The following ADCY9 variants were observed in gnomAD, a reference collection of about 807,000 sequenced individuals.
The protein encoded by ADCY9 is adenylate cyclase type 9.
ADCY9 carries 50 observed loss-of-function variants against 101.5 expected under a neutral mutation model. The observed-to-expected ratio is 0.49, with a 90% CI of 0.39 to 0.62. The LOEUF is 0.62. ADCY9 is among the 20% of genes least tolerant of loss of function. ADCY9 has a pLI of 0.00. For missense variants in ADCY9, 1,662 were observed against 1,800.4 expected, an observed-to-expected ratio of 0.92 and a Z score of 1.39; for synonymous variants, 905 against 769.3, an observed-to-expected ratio of 1.18 and a Z score of -2.92.
intron 5 of ADCY9, among the ~76,000 whole-genome samples, chr16:3,956,093 G>A (rs920105255): frequency 1.3e-5 from 2 of 151,902 alleles, no homozygotes; most frequent in Non-Finnish European, 2.9e-5. Context: ...TTGTAGAAAC[G>A]AGGTCTCACT....
chr16:4,108,188 G>A lies in ADCY9; in HGVS notation c.1693+5562C>T, dbSNP rs532778628. 2.0e-5 allele frequency among the ~76,000 whole-genome samples: 3 copies of A among 152,030 alleles called. No homozygotes were observed. The East Asian group carries it at 5.8e-4, about 29-fold the overall frequency. On this transcript the variant is annotated intron_variant, in intron 2 of 10. Coordinates refer to ENST00000294016, the MANE Select transcript of ADCY9 (RefSeq NM_001116.4). ...ATATTTTCTAACAGTTTCATTTTCT[G>A]TCTTTGTGACCCTGTATCTATGACA...
Position 4,114,063 on chromosome 16 carries a change from G to A in ADCY9, c.1380C>T (p.Tyr460=). ...TGCCCAGGCCCATCTCGATGCAGCA[G>A]TAGGCATGGTCGGCCCGGGGCTCGG... ...GCPEPRADHA[Y]CCIEMGLGMI... Residue 460 remains tyrosine (Y), a synonymous_variant, in exon 2 of 11, where the codon TAC becomes TAT. Coordinates refer to ENST00000294016, the MANE Select transcript of ADCY9 (RefSeq NM_001116.4). This position sits in a 1 kb window ranked among gnomAD's most constrained non-coding sequence, Gnocchi z 4.3. 1 of 1,613,872 alleles carries A rather than the reference G, an allele frequency of 6.2e-7. No individual in the cohort carries two copies. The highest frequency in any genetic ancestry group is 8.5e-7 in the Non-Finnish European group (1 of 1,180,044).
intron 3 of ADCY9, among the ~76,000 whole-genome samples, chr16:4,006,359 C>T (rs993274493): frequency 6.6e-6 from 1 of 152,176 alleles, no homozygotes; most frequent in African/African-American, 2.4e-5. Context: ...GATCCACGAG[C>T]GGAGTTGACA....
chr16:3,997,023 C>T (rs912278561), intron 3 of ADCY9, among the ~76,000 whole-genome samples: 1 of 152,122 alleles, frequency 6.6e-6, no homozygotes, highest in Non-Finnish European at 1.5e-5. Flanking sequence ...CACCACCACG[C>T]CTGGCTTATT....
intron 2 of ADCY9, among the ~76,000 whole-genome samples, chr16:4,016,312 G>A (rs779621791): frequency 1.9e-4 from 29 of 152,216 alleles, no homozygotes; most frequent in Non-Finnish European, 3.7e-4. Flanking sequence ...ATAATGGGAA[G>A]AGGCTATGAA....
rs1371707087 is a variant in ADCY9, at chr16:3,966,319, G to A, written c.3518C>T (p.Thr1173Met). The part of the protein sequence containing the change: ...LRVGFNHGPL[T>M]AGVIGTTKLL... ...CTTGGTGGTGCCGATGACCCCGGCC[G>A]TGAGGGGCCCATGGTTGAAGCCGAC... The change falls in exon 11 of 11, where the codon ACG (threonine) becomes ATG (methionine). Residue 1173 changes from threonine (T) to methionine (M), a missense_variant. Transcript: ENST00000294016. 5 of 1,614,060 alleles carry A rather than the reference G, an allele frequency of 3.1e-6. No individual in the cohort carries two copies. Among genetic ancestry groups the A allele is most frequent in the Middle Eastern group, 1.6e-4 (1 of 6,062 alleles).
chr16:4,017,103 G>A (rs2056443762), intron 2 of ADCY9, among the ~76,000 whole-genome samples: 2 of 151,706 alleles, frequency 1.3e-5, no homozygotes, highest in East Asian at 1.9e-4. Context: ...AATGAAGGCT[G>A]CAGTGAGCTA....
rs1412154762 is a variant in ADCY9, at chr16:4,104,654, T to C, written c.1693+9096A>G. Among the ~76,000 whole-genome samples, 3 of 152,060 alleles carry C rather than the reference T, an allele frequency of 2.0e-5. No homozygotes were observed. In the East Asian group the frequency reaches 5.8e-4, roughly 29 times the overall value. ...CTACTACTCACTTGTTGAATGTTTCTACAGAATCAAAGAAAAATATCCAGA... is the reference window on the plus strand; with the variant it reads ...CTACTACTCACTTGTTGAATGTTTCCACAGAATCAAAGAAAAATATCCAGA... On this transcript the variant is annotated intron_variant, in intron 2 of 10. Transcript: ENST00000294016.
At chr16:4,100,519 C>T (rs7190128) in intron 2 of ADCY9, among the ~76,000 whole-genome samples, 4 of 151,612 alleles carry the variant, frequency 2.6e-5, no homozygotes, top group East Asian at 3.9e-4. Flanking sequence ...TTAGTAGACA[C>T]GGGGTTTTGC....
chr16:4,003,667 C>T (rs1306943986), intron 3 of ADCY9, among the ~76,000 whole-genome samples: 1 of 150,694 alleles, frequency 6.6e-6, no homozygotes, highest in Non-Finnish European at 1.5e-5. Context: ...TGGGCTCAAG[C>T]GATCTTCCTG....
intron 2 of ADCY9, among the ~76,000 whole-genome samples, chr16:4,039,286 C>A (rs1286333617): frequency 6.6e-6 from 1 of 152,154 alleles, no homozygotes; most frequent in Non-Finnish European, 1.5e-5. Flanking sequence ...TTCTGTGTTA[C>A]ACGCCCTCAT....
rs1439924451 is a variant in ADCY9, at chr16:3,965,972, C to T, written c.3865G>A (p.Asp1289Asn). 2 of 1,614,220 alleles carry T rather than the reference C, an allele frequency of 1.2e-6. No individual in the cohort carries two copies. Among genetic ancestry groups the T allele is most frequent in the Non-Finnish European group, 1.7e-6 (2 of 1,180,054 alleles). The change falls in exon 11 of 11, where the codon GAC (aspartate) becomes AAC (asparagine). Residue 1289 changes from aspartate to asparagine, a missense_variant. Physicochemically the swap from Asp to Asn is conservative, Grantham distance 23. Coordinates refer to ENST00000294016, the MANE Select transcript of ADCY9 (RefSeq NM_001116.4). ...ANLVPSVQYVDKTSLGSDSST... is the reference protein window; with the variant it reads ...ANLVPSVQYVNKTSLGSDSST... Reference sequence around the variant, plus strand: ...CTGTCAGAACCCAGAGATGTCTTGTCCACATACTGGACAGAAGGCACCAGG... The same window carrying T: ...CTGTCAGAACCCAGAGATGTCTTGTTCACATACTGGACAGAAGGCACCAGG...
rs762721284 is a variant in ADCY9, at chr16:4,114,567, G to T, written c.876C>A (p.His292Gln). Residue 292 changes from histidine to glutamine, a missense_variant, in exon 2 of 11, where the codon CAC (histidine) becomes CAA (glutamine). Around this residue, in one of 5 missense-constraint regions of ADCY9, gnomAD observed 422 missense variants for 392.0 expected, o/e 1.08. Transcript: ENST00000294016. This position sits in a 1 kb window ranked among gnomAD's most constrained non-coding sequence, Gnocchi z 4.3. ...TGACGAACAGGTGGACCCCGATGGC[G>T]TGGATGCAGCCGTGGAGCAGCCCCC... Reference protein sequence around the residue: ...LSRGLLHGCIHAIGVHLFVMS... With the variant: ...LSRGLLHGCIQAIGVHLFVMS... 8.7e-6 allele frequency: 14 copies of T among 1,613,926 alleles called. No homozygotes were observed. Among genetic ancestry groups the T allele is most frequent in the East Asian group, 4.5e-5 (2 of 44,898 alleles).
At chr16:4,038,765 TCTC>T (rs2056607283) in intron 2 of ADCY9, among the ~76,000 whole-genome samples, 1 of 151,806 alleles carries the variant, frequency 6.6e-6, no homozygotes. Flanking sequence ...GTCACTTTCT[TCTC>T]CTTCCTTTCC....
At chr16:4,025,766 T>C (rs1373291655) in intron 2 of ADCY9, among the ~76,000 whole-genome samples, 12 of 152,068 alleles carry the variant, frequency 7.9e-5, no homozygotes. Flanking sequence ...ACTTCTATTG[T>C]GAAGAAGAAA....
chr16:4,087,558 A>G (rs1305991738), intron 2 of ADCY9, among the ~76,000 whole-genome samples: 1 of 151,492 alleles, frequency 6.6e-6, no homozygotes, highest in Non-Finnish European at 1.5e-5. Context: ...AAAAAAAAAA[A>G]AAAAAGAAGA....
chr16:3,971,880 G>A (rs900728208), intron 10 of ADCY9, among the ~76,000 whole-genome samples: 3 of 152,154 alleles, frequency 2.0e-5, no homozygotes, highest in African/African-American at 4.8e-5. Flanking sequence ...TCTAATCTGC[G>A]GGAGCCGGAG....
Position 4,023,463 on chromosome 16 carries a change from G to T in ADCY9, c.1694-15905C>A, listed in dbSNP as rs531894087. ...GGCAATTGCGGTGGTGTAGGTCTGG[G>T]GAAGGCACGAGGGATGCAGGGATCA... On this transcript the variant is annotated intron_variant, in intron 2 of 10. Coordinates refer to ENST00000294016, the MANE Select transcript of ADCY9 (RefSeq NM_001116.4). Among the ~76,000 whole-genome samples, 4 of 152,188 alleles carry T rather than the reference G, an allele frequency of 2.6e-5. 1 individual carries two copies. Among genetic ancestry groups the T allele is most frequent in the African/African-American group, 9.6e-5 (4 of 41,506 alleles).
At chr16:4,068,603 A>G (rs913550152) in intron 2 of ADCY9, among the ~76,000 whole-genome samples, 4 of 152,100 alleles carry the variant, frequency 2.6e-5, no homozygotes, top group African/African-American at 9.7e-5. Context: ...TCATGAGGTC[A>G]GGAGATCGAG....
Sources: gnomAD v4.1 joint callset for allele counts (sites outside exome capture counted in the v4.1 genomes callset) on GRCh38, gnomAD v4.1.1 for gene constraint, gnomAD v4.1.1 regional missense constraint, Gnocchi (gnomAD v3.1) non-coding constraint, MANE v1.5 for transcripts, NCBI Gene and HGNC (gene_info 2026-07-23, HGNC 2026-07-21) for gene names.